The following CLSTN2 variants were observed in gnomAD, a reference collection of about 807,000 sequenced individuals.
CLSTN2 encodes calsyntenin 2, also known as calsyntenin-2.
In CLSTN2, 48 loss-of-function variants were observed where a neutral mutation model predicts 101.2. That is an observed-to-expected ratio of 0.47 (90% confidence interval 0.38 to 0.60). CLSTN2 has a LOEUF of 0.60. Among genes scored for constraint, CLSTN2 ranks in the 20% least tolerant of loss-of-function variants. The probability of loss-of-function intolerance (pLI) is 0.00; values close to 1 mark genes in which losing one functional copy is unlikely to be tolerated. For synonymous variants in CLSTN2, 481 were observed against 463.6 expected, an observed-to-expected ratio of 1.04 and a Z score of -0.48; for missense variants, 1,160 against 1,238.2, an observed-to-expected ratio of 0.94 and a Z score of 0.95.
In CLSTN2 at chr3:140,103,457, C is replaced by T. The variant is rs560085370; in HGVS notation, c.110-72494C>T. On this transcript the variant is annotated intron_variant, in intron 1 of 16. Coordinates refer to ENST00000458420, the MANE Select transcript of CLSTN2 (RefSeq NM_022131.3). ...TCAACCTCCCACGACTGCCATAGTG[C>T]CTCCAATTCCATCATCATAGGCTTT... Among the ~76,000 whole-genome samples, 5 of 152,306 alleles carry T rather than the reference C, an allele frequency of 3.3e-5. No homozygotes were observed. In the East Asian group the frequency reaches 9.6e-4, roughly 29 times the overall value.
At chr3:140,089,466 G>A (rs1173947923) in intron 1 of CLSTN2, among the ~76,000 whole-genome samples, 1 of 152,054 alleles carries the variant, frequency 6.6e-6, no homozygotes, top group Admixed American at 6.6e-5. Context: ...CTTTTGTTCT[G>A]CCCAGTGGAA....
intron 2 of CLSTN2, among the ~76,000 whole-genome samples, chr3:140,279,119 TC>T (rs2086822341): frequency 6.6e-6 from 1 of 152,212 alleles, no homozygotes; most frequent in Non-Finnish European, 1.5e-5. Context: ...CTGGCTTCTT[TC>T]CCTCAACATT....
Position 140,385,443 on chromosome 3 carries a change from G to C in CLSTN2, c.233-18186G>C, listed in dbSNP as rs190737311. 2.1e-5 allele frequency among the ~76,000 whole-genome samples: 3 copies of C among 141,298 alleles called. 1 individual carries two copies. The South Asian group carries it at 6.7e-4, about 32-fold the overall frequency. 92.7% of individuals were successfully genotyped at this position (141,298 alleles called of 152,430 possible). A position where few individuals can be genotyped will look rare whatever the true frequency, so the allele number is the denominator to read the frequency against. ...GAGTGCAGTGGTGCGATCTCGACTC[G>C]CTGTAAACTCCTCCTCCCGGGTTCA... On this transcript the variant is annotated intron_variant, in intron 2 of 16. Coordinates refer to ENST00000458420, the MANE Select transcript of CLSTN2 (RefSeq NM_022131.3).
In CLSTN2 at chr3:140,044,437, G is replaced by A. The variant is rs569184662; in HGVS notation, c.109+108954G>A. Among the ~76,000 whole-genome samples, 337 of 152,230 alleles carry A rather than the reference G, an allele frequency of 2.2e-3. 3 individuals carry two copies. The highest frequency in any genetic ancestry group is 3.8e-3 in the Non-Finnish European group (258 of 68,016). ...GCTTAAGGAGATTTTGGGCTGAGAC[G>A]ATGGCGTTTTCTAGATATACAATCA... On this transcript the variant is annotated intron_variant, in intron 1 of 16. Transcript: ENST00000458420.
At chr3:140,553,849 A>G (rs1359110519) in intron 10 of CLSTN2, among the ~76,000 whole-genome samples, 3 of 152,212 alleles carry the variant, frequency 2.0e-5, no homozygotes, top group Admixed American at 2.0e-4. Context: ...ATGCCCAGGA[A>G]GGAAAGGAGA....
chr3:139,996,322 G>C (rs1231058219), intron 1 of CLSTN2, among the ~76,000 whole-genome samples: 3 of 152,232 alleles, frequency 2.0e-5, no homozygotes, highest in South Asian at 4.1e-4. Flanking sequence ...TCATTCTGCT[G>C]TTGGGTCTTT....
chr3:140,554,120 A>G (rs912688919), intron 10 of CLSTN2, among the ~76,000 whole-genome samples: 1 of 152,172 alleles, frequency 6.6e-6, no homozygotes, highest in Admixed American at 6.5e-5. Context: ...TGTAAATGAT[A>G]TAGGAGAAAG....
chr3:140,302,509 T>C (rs2087069318), intron 2 of CLSTN2, among the ~76,000 whole-genome samples: 1 of 152,256 alleles, frequency 6.6e-6, no homozygotes, highest in Non-Finnish European at 1.5e-5. Flanking sequence ...TAGATGCTTA[T>C]TAATTCTAGG....
chr3:140,272,540 G>A (rs998621298), intron 2 of CLSTN2, among the ~76,000 whole-genome samples: 6 of 152,118 alleles, frequency 3.9e-5, no homozygotes, highest in African/African-American at 1.4e-4. Flanking sequence ...ACCTGAGGAT[G>A]GGAGTTCGAG....
At chr3:140,222,730 A>C (rs1243950249) in intron 2 of CLSTN2, among the ~76,000 whole-genome samples, 1 of 152,182 alleles carries the variant, frequency 6.6e-6, no homozygotes, top group Admixed American at 6.5e-5. Flanking sequence ...CTAAAATTAT[A>C]ATTGGATTGT....
At chr3:140,257,820 T>A (rs900365900) in intron 2 of CLSTN2, among the ~76,000 whole-genome samples, 1 of 152,138 alleles carries the variant, frequency 6.6e-6, no homozygotes, top group Non-Finnish European at 1.5e-5. Flanking sequence ...ATTGTCATGA[T>A]TTTTTGTGCT....
At chr3:140,433,598 C>T (rs1425031145) in intron 5 of CLSTN2, among the ~76,000 whole-genome samples, 1 of 152,164 alleles carries the variant, frequency 6.6e-6, no homozygotes, top group African/African-American at 2.4e-5. Context: ...CCAGAAAGAC[C>T]CAGGTTCAAA....
chr3:140,131,290 A>G lies in CLSTN2; in HGVS notation c.110-44661A>G, dbSNP rs528253915. Among the ~76,000 whole-genome samples, 3 of 121,910 alleles carry G rather than the reference A, an allele frequency of 2.5e-5. No individual in the cohort carries two copies. The South Asian group carries it at 1.1e-3, about 44-fold the overall frequency. 80.0% of individuals were successfully genotyped at this position (121,910 alleles called of 152,430 possible). The stretch of plus-strand genomic sequence containing the variant: ...AAAATTTTGAAGAAGGTTGCAAAGA[A>G]TGAGTTTCTTTATGATTTTTTTTTA... On this transcript the variant is annotated intron_variant, in intron 1 of 16. Coordinates refer to ENST00000458420, the MANE Select transcript of CLSTN2 (RefSeq NM_022131.3).
At chr3:140,278,166 A>G (rs78427703) in intron 2 of CLSTN2, among the ~76,000 whole-genome samples, 4,760 of 152,264 alleles carry the variant, frequency 0.031, 247 homozygotes, top group African/African-American at 0.11. Flanking sequence ...TGAGCACTCA[A>G]AATTGGATTA....
Position 140,505,447 on chromosome 3 carries a change from C to T in CLSTN2, c.1345-26877C>T, listed in dbSNP as rs1289065491. On this transcript the variant is annotated intron_variant, in intron 8 of 16. Coordinates refer to ENST00000458420, the MANE Select transcript of CLSTN2 (RefSeq NM_022131.3). ...ATGTGGTTGAAGGAGAGTCCCGTTA[C>T]CATAGAGCTGCTGGTTTACAGAGCC... Among the ~76,000 whole-genome samples, 3 of 152,286 alleles carry T rather than the reference C, an allele frequency of 2.0e-5. No homozygotes were observed. In the East Asian group the frequency reaches 5.8e-4, roughly 29 times the overall value.
rs566467038 is a variant in CLSTN2, at chr3:140,480,466, T to C, written c.1344+13735T>C. Among the ~76,000 whole-genome samples the C allele has an allele frequency of 1.5e-3, 222 of 152,318 alleles. 3 individuals carry two copies. The highest frequency in any genetic ancestry group is 2.1e-4 in the Non-Finnish European group (14 of 68,034). On this transcript the variant is annotated intron_variant, in intron 8 of 16. Coordinates refer to ENST00000458420, the MANE Select transcript of CLSTN2 (RefSeq NM_022131.3). ...AATCCTTTGGGTATATACCCAGTAA[T>C]GGGATGGCTGGGTCAAATGGTAATT... is the stretch of plus-strand genomic sequence containing the variant.
At chr3:140,147,465 G>T (rs573475467) in intron 1 of CLSTN2, among the ~76,000 whole-genome samples, 1 of 152,150 alleles carries the variant, frequency 6.6e-6, no homozygotes, top group African/African-American at 2.4e-5. Context: ...CACTCCTATG[G>T]ACATGACAGG....
intron 8 of CLSTN2, among the ~76,000 whole-genome samples, chr3:140,489,152 G>C (rs1345297865): frequency 2.0e-5 from 3 of 152,182 alleles, no homozygotes; most frequent in Admixed American, 6.5e-5. Flanking sequence ...CTTTTGGGAA[G>C]AGAGTAGTAG....
intron 2 of CLSTN2, among the ~76,000 whole-genome samples, chr3:140,255,436 T>C (rs2086596660): frequency 2.0e-5 from 3 of 152,190 alleles, no homozygotes; most frequent in Non-Finnish European, 4.4e-5. Context: ...AAAGAAAATG[T>C]GGTACATATA....
Sources: gnomAD v4.1 joint callset for allele counts (sites outside exome capture counted in the v4.1 genomes callset) on GRCh38, gnomAD v4.1.1 for gene constraint, MANE v1.5 for transcripts, NCBI Gene and HGNC (gene_info 2026-07-23, HGNC 2026-07-21) for gene names.